TNKS: variants seen among roughly 807,000 people sequenced by gnomAD.
The protein encoded by TNKS is tankyrase.
In TNKS, 72 loss-of-function variants were observed where a neutral mutation model predicts 135.8. The observed-to-expected ratio is 0.53, with a 90% CI of 0.44 to 0.64. The LOEUF (loss-of-function observed/expected upper bound fraction) is 0.64, where lower values mean the gene tolerates loss of function less well. Among genes scored for constraint, TNKS ranks in the 30% least tolerant of loss-of-function variants. The pLI is 0.00. For missense variants in TNKS, 1,769 were observed against 1,674.0 expected (o/e 1.06, Z -0.99); for synonymous variants, 849 against 649.3 (o/e 1.31, Z -4.68).
At position 9,776,827 on chromosome 8, in the gene TNKS, G is replaced by C; in HGVS notation, c.*91G>C. 1 of 1,240,938 alleles carries C rather than the reference G, an allele frequency of 8.1e-7. No individual in the cohort carries two copies. Among genetic ancestry groups the C allele is most frequent in the East Asian group, 2.4e-5 (1 of 42,074 alleles). The allele number at this position is 1,240,938 out of a possible 1,614,324, so 76.9% of individuals were successfully genotyped here. The stretch of plus-strand genomic sequence containing the variant: ...TAATAACAACATCAATATTCTAGAA[G>C]TCCCTGACAGCCTAGAAATAAGCTG... On this transcript the variant is annotated 3_prime_UTR_variant, in exon 27 of 27. Coordinates refer to ENST00000310430, the MANE Select transcript of TNKS (RefSeq NM_003747.3).
intron 17 of TNKS, among the ~76,000 whole-genome samples, chr8:9,740,010 C>G (rs1052173041): frequency 2.1e-5 from 2 of 94,076 alleles, no homozygotes; most frequent in African/African-American, 4.5e-5. Context: ...ACATATGTAA[C>G]TAACCTGCAC....
At chr8:9,603,275 G>A (rs1799088797) in intron 2 of TNKS, among the ~76,000 whole-genome samples, 2 of 152,054 alleles carry the variant, frequency 1.3e-5, no homozygotes, top group South Asian at 4.2e-4. Context: ...CTGGGCTTGA[G>A]GACTCCTGAC....
chr8:9,691,485 T>A (rs1424280100), intron 5 of TNKS, among the ~76,000 whole-genome samples: 2 of 152,160 alleles, frequency 1.3e-5, no homozygotes, highest in Non-Finnish European at 2.9e-5. Context: ...TTAGTCCATT[T>A]CTGAACATCC....
intron 5 of TNKS, among the ~76,000 whole-genome samples, chr8:9,685,366 T>G (rs1802945331): frequency 6.6e-6 from 1 of 152,178 alleles, no homozygotes; most frequent in African/African-American, 2.4e-5. Context: ...AACCATACCC[T>G]TTCCACAAGG....
In TNKS at chr8:9,751,810, G is replaced by A; in HGVS notation, c.3034G>A (p.Asp1012Asn). 1.9e-6 allele frequency: 3 copies of A among 1,614,186 alleles called. No homozygotes were observed. Among genetic ancestry groups the A allele is most frequent in the Non-Finnish European group, 2.5e-6 (3 of 1,180,042 alleles). The change falls in exon 19 of 27, where the codon GAT becomes AAT. Residue 1012 changes from aspartate (D) to asparagine (N), a missense_variant. Physicochemically the swap from Asp to Asn is conservative, Grantham distance 23. Around this residue, in one of 5 missense-constraint regions of TNKS, gnomAD observed 722 missense variants for 688.9 expected, o/e 1.05. Transcript: ENST00000310430. ...CGTAGGAGGAGCCTCCAATGCAGGG[G>A]ATGGCGCCGCGGGAACAGAAAGGAA... ...LAVGGASNAG[D>N]GAAGTERKEG...
intron 5 of TNKS, among the ~76,000 whole-genome samples, chr8:9,688,893 G>C (rs184729327): frequency 6.6e-6 from 1 of 152,094 alleles, no homozygotes; most frequent in Non-Finnish European, 1.5e-5. Flanking sequence ...CACCCACCTC[G>C]GCCTCCCAAA....
chr8:9,604,337 A>G (rs1799136991), intron 2 of TNKS, among the ~76,000 whole-genome samples: 1 of 152,134 alleles, frequency 6.6e-6, no homozygotes, highest in Non-Finnish European at 1.5e-5. Context: ...TATTTTAAAC[A>G]GTGTAACATA....
At position 9,578,024 on chromosome 8, in the gene TNKS, A is replaced by G. The variant is rs528924277; in HGVS notation, c.674-2135A>G. Reference sequence around the variant, plus strand: ...CGAAACCCAGCAGGGCAGTTGTTCAATCTTAAAGTTCCAAAATAATCTCCC... The same window carrying G: ...CGAAACCCAGCAGGGCAGTTGTTCAGTCTTAAAGTTCCAAAATAATCTCCC... On this transcript the variant is annotated intron_variant, in intron 1 of 26. Transcript: ENST00000310430. Among the ~76,000 whole-genome samples the G allele has an allele frequency of 9.2e-5, 14 of 152,312 alleles. No individual in the cohort carries two copies. The South Asian group carries it at 1.4e-3, about 16-fold the overall frequency.
At chr8:9,598,776 T>TAG (rs1554445050) in intron 2 of TNKS, among the ~76,000 whole-genome samples, 1 of 22,742 alleles carries the variant, frequency 4.4e-5, no homozygotes, top group Non-Finnish European at 8.7e-5. Flanking sequence ...TATATATATA[T>TAG]ATATATATAT....
At chr8:9,629,483 C>T (rs1204524605) in intron 3 of TNKS, among the ~76,000 whole-genome samples, 1 of 152,202 alleles carries the variant, frequency 6.6e-6, no homozygotes, top group Non-Finnish European at 1.5e-5. Flanking sequence ...CCCTATCTAC[C>T]TGTCTGACTG....
At position 9,752,625 on chromosome 8, in the gene TNKS, A is replaced by G; in HGVS notation, c.3152A>G (p.Gln1051Arg). The G allele has an allele frequency of 6.3e-7, 1 of 1,598,004 alleles. No individual in the cohort carries two copies. Among genetic ancestry groups the G allele is most frequent in the East Asian group, 2.2e-5 (1 of 44,704 alleles). Residue 1051 changes from glutamine to arginine, a missense_variant and splice_region_variant, in exon 20 of 27, where the codon CAG becomes CGG. This residue lies in a region of TNKS where 722 missense variants were observed against 688.9 expected (regional missense o/e 1.05). Coordinates refer to ENST00000310430, the MANE Select transcript of TNKS (RefSeq NM_003747.3). The part of the protein sequence containing the change: ...EHLRDIFETE[Q>R]ITLDVLADMG... ...CTTCGGGATATCTTTGAAACAGAAC[A>G]GGTAAATACTCTTGTATATATTTGA...
intron 12 of TNKS, among the ~76,000 whole-genome samples, chr8:9,724,365 A>G (rs1434005534): frequency 6.6e-6 from 1 of 152,120 alleles, no homozygotes; most frequent in African/African-American, 2.4e-5. Flanking sequence ...AGACAAGAGG[A>G]TCACTTGAGC....
intron 2 of TNKS, among the ~76,000 whole-genome samples, chr8:9,607,305 T>C (rs758949506): frequency 6.6e-6 from 1 of 152,240 alleles, no homozygotes; most frequent in Non-Finnish European, 1.5e-5. Flanking sequence ...GATTCTCTTT[T>C]CTGCTTGTGT....
chr8:9,608,256 T>G (rs952673066), intron 2 of TNKS, among the ~76,000 whole-genome samples: 2 of 152,174 alleles, frequency 1.3e-5, no homozygotes, highest in African/African-American at 2.4e-5. Flanking sequence ...TATCAGTAGT[T>G]TTTTCCTCTG....
chr8:9,764,789 G>GAGTA lies in TNKS; in HGVS notation c.3447+3_3447+6dup, dbSNP rs763688380. 16 of 1,585,748 alleles carry GAGTA rather than the reference G, an allele frequency of 1.0e-5. No individual in the cohort carries two copies. The African/African-American group carries it at 1.5e-4, about 15-fold the overall frequency. On this transcript the variant is annotated frameshift_variant and splice_region_variant, in exon 23 of 27. Transcript: ENST00000310430. LOFTEE classifies it high-confidence loss of function. ...ATCTTCAACAGATACAATGTCATTC[G>GAGTA]AGTAAGTTTTTAAAGTTTCATGGTG...
At chr8:9,666,067 A>G (rs946132051) in intron 3 of TNKS, among the ~76,000 whole-genome samples, 3 of 152,094 alleles carry the variant, frequency 2.0e-5, no homozygotes, top group African/African-American at 4.8e-5. Context: ...ACTCAGCGCA[A>G]ATTTGCTCCT....
intron 2 of TNKS, among the ~76,000 whole-genome samples, chr8:9,605,726 C>A (rs1318881672): frequency 6.6e-6 from 1 of 152,034 alleles, no homozygotes; most frequent in African/African-American, 2.4e-5. Context: ...CATGGACTTA[C>A]TAGTAATTTA....
chr8:9,560,836 C>A (rs758565708), intron 1 of TNKS, among the ~76,000 whole-genome samples: 1 of 151,904 alleles, frequency 6.6e-6, no homozygotes, highest in African/African-American at 2.4e-5. Flanking sequence ...AAAACCTTAA[C>A]ACTTTTCTGA....
intron 2 of TNKS, among the ~76,000 whole-genome samples, chr8:9,595,172 A>G (rs372490638): frequency 1.3e-4 from 20 of 150,190 alleles, no homozygotes; most frequent in African/African-American, 4.4e-4. Flanking sequence ...TCCAGGCTGG[A>G]GTGCAATGTG....
Sources: gnomAD v4.1 joint callset for allele counts (sites outside exome capture counted in the v4.1 genomes callset) on GRCh38, gnomAD v4.1.1 for gene constraint, gnomAD v4.1.1 regional missense constraint, MANE v1.5 for transcripts, NCBI Gene and HGNC (gene_info 2026-07-23, HGNC 2026-07-21) for gene names.